The following SYNE2 variants were observed in gnomAD, a reference collection of about 807,000 sequenced individuals.
SYNE2 encodes spectrin repeat containing nuclear envelope protein 2, also known as nesprin-2.
A neutral mutation model predicts 856.3 loss-of-function variants in SYNE2; 431 were observed. The ratio of observed to expected loss-of-function variants is 0.50; its 90% CI spans 0.47 to 0.55. SYNE2 has a LOEUF of 0.55. SYNE2 is among the 20% of genes least tolerant of loss of function. The pLI is 0.00. For missense variants in SYNE2, 8,129 were observed against 8,023.2 expected, an observed-to-expected ratio of 1.01 and a Z score of -0.50; for synonymous variants, 2,923 against 2,872.3, an observed-to-expected ratio of 1.02 and a Z score of -0.56.
chr14:63,975,519 G>A (rs1288976795), intron 11 of SYNE2, among the ~76,000 whole-genome samples: 1 of 152,018 alleles, frequency 6.6e-6, no homozygotes, highest in African/African-American at 2.4e-5. Context: ...TTTTAGTAGA[G>A]ATGGGGTTTT....
At chr14:64,154,721 A>AG (rs1030071228) in intron 85 of SYNE2, among the ~76,000 whole-genome samples, 1 of 145,114 alleles carries the variant, frequency 6.9e-6, no homozygotes, top group African/African-American at 2.5e-5. Context: ...TGAGCCTGGG[A>AG]GGTGGAAGGA....
intron 1 of SYNE2, among the ~76,000 whole-genome samples, chr14:63,814,347 G>A (rs1036579408): frequency 1.3e-5 from 2 of 148,362 alleles, no homozygotes; most frequent in African/African-American, 4.9e-5. Flanking sequence ...GTATTAGTCA[G>A]GGTTCTCTAG....
At chr14:63,762,392 G>A (rs1886516716) in intron 1 of SYNE2, among the ~76,000 whole-genome samples, 1 of 144,092 alleles carries the variant, frequency 6.9e-6, no homozygotes, top group South Asian at 2.1e-4. Context: ...CTGAGACCGT[G>A]CCATTGCACT....
chr14:64,151,672 G>C (rs1421476201), intron 84 of SYNE2, among the ~76,000 whole-genome samples: 2 of 152,118 alleles, frequency 1.3e-5, no homozygotes, highest in African/African-American at 4.8e-5. Flanking sequence ...ACATGCATCT[G>C]GATGGGAATG....
intron 45 of SYNE2, 48 bp downstream of exon 45, chr14:64,031,405 G>C: frequency 6.5e-7 from 1 of 1,548,924 alleles, no homozygotes; most frequent in Non-Finnish European, 8.9e-7. Context: ...TGAGAATGAA[G>C]AGGTATTTGG....
chr14:63,943,208 A>G lies in SYNE2; in HGVS notation c.408+1065A>G, dbSNP rs115456233. Among the ~76,000 whole-genome samples, 761 of 152,300 alleles carry G rather than the reference A, an allele frequency of 5.0e-3. 5 individuals are homozygous for G. The highest frequency in any genetic ancestry group is 0.018 in the African/African-American group (734 of 41,570). ...TATCCCAAGACTGAGTTGTGGATGCATTTCGTTTCACAGATATTTTTGAAC... is the reference window on the plus strand; with the variant it reads ...TATCCCAAGACTGAGTTGTGGATGCGTTTCGTTTCACAGATATTTTTGAAC... On this transcript the variant is annotated intron_variant, in intron 6 of 115. Coordinates refer to ENST00000555002, the MANE Select transcript of SYNE2 (RefSeq NM_182914.3).
intron 2 of SYNE2, among the ~76,000 whole-genome samples, chr14:63,935,096 A>T (rs2095814157): frequency 6.6e-6 from 1 of 152,122 alleles, no homozygotes; most frequent in South Asian, 2.1e-4. Context: ...CAATGAAAAC[A>T]TTGCTCAGAG....
In SYNE2 at chr14:64,021,338, C is replaced by A; in HGVS notation, c.5175C>A (p.Asn1725Lys). ...AGGTCATGGAGTCCTCTATTTTGAACAAGATGGAACATGTACAGAAGTGCT... is the reference window on the plus strand; with the variant it reads ...AGGTCATGGAGTCCTCTATTTTGAAAAAGATGGAACATGTACAGAAGTGCT... ...ELQVMESSILNKMEHVQKCLT... is the reference protein window; with the variant it reads ...ELQVMESSILKKMEHVQKCLT... Residue 1725 changes from asparagine (N) to lysine (K), a missense_variant, in exon 36 of 116, where the codon AAC becomes AAA. Asn to Lys is a moderately conservative substitution (Grantham distance 94). This residue lies in a region of SYNE2 where 2,422 missense variants were observed against 2,357.4 expected (regional missense o/e 1.03). Coordinates refer to ENST00000555002, the MANE Select transcript of SYNE2 (RefSeq NM_182914.3). 1 of 1,613,968 alleles carries A rather than the reference C, an allele frequency of 6.2e-7. No homozygotes were observed. The highest frequency in any genetic ancestry group is 8.5e-7 in the Non-Finnish European group (1 of 1,179,902).
intron 8 of SYNE2, among the ~76,000 whole-genome samples, chr14:63,959,853 T>G (rs964527259): frequency 5.3e-5 from 8 of 152,168 alleles, no homozygotes; most frequent in Non-Finnish European, 1.2e-4. Flanking sequence ...TAGTATAAAA[T>G]ATTTTCTCCA....
intron 112 of SYNE2, 92 bp downstream of exon 112, chr14:64,221,796 G>A (rs2098695510): frequency 2.0e-6 from 3 of 1,473,946 alleles, no homozygotes; most frequent in Non-Finnish European, 2.8e-6. Context: ...AGTATTTCAG[G>A]AACTGTGCCA....
intron 96 of SYNE2, among the ~76,000 whole-genome samples, chr14:64,183,635 T>C (rs577253065): frequency 2.6e-5 from 4 of 152,284 alleles, no homozygotes; most frequent in Admixed American, 2.0e-4. Flanking sequence ...CATTGAGCAC[T>C]GAGTGAACGA....
intron 1 of SYNE2, among the ~76,000 whole-genome samples, chr14:63,778,922 C>A (rs752984893): frequency 0.34 from 19,646 of 57,996 alleles, 1,627 homozygotes; most frequent in South Asian, 0.41. Flanking sequence ...TGGGAGTCTC[C>A]CAAAGTAGCT....
At chr14:64,077,332 T>C (rs1255429702) in intron 54 of SYNE2, among the ~76,000 whole-genome samples, 1 of 152,104 alleles carries the variant, frequency 6.6e-6, no homozygotes, top group Non-Finnish European at 1.5e-5. Context: ...ACTTTTCTTG[T>C]GGTAATTTGT....
Position 64,051,894 on chromosome 14 carries a change from G to A in SYNE2, c.7981G>A (p.Gly2661Arg). Residue 2661 changes from glycine to arginine, a missense_variant, in exon 48 of 116, where the codon GGG (glycine) becomes AGG (arginine). Physicochemically the swap from Gly to Arg is moderately radical, Grantham distance 125 (BLOSUM62 -2). Coordinates refer to ENST00000555002, the MANE Select transcript of SYNE2 (RefSeq NM_182914.3). ...LRLKSPEERA[G>R]NQSMIALTTD... The stretch of plus-strand genomic sequence containing the variant: ...GCTGAAGTCTCCAGAAGAACGGGCA[G>A]GGAACCAAAGCATGATTGCCTTGAC... 1 of 1,613,896 alleles carries A rather than the reference G, an allele frequency of 6.2e-7. No individual in the cohort carries two copies. Among genetic ancestry groups the A allele is most frequent in the Non-Finnish European group, 8.5e-7 (1 of 1,180,028 alleles).
At chr14:63,886,670 T>TTAAAA (rs2094993459) in intron 1 of SYNE2, among the ~76,000 whole-genome samples, 1 of 152,306 alleles carries the variant, frequency 6.6e-6, no homozygotes, top group South Asian at 2.1e-4. Context: ...GACTATTCAT[T>TTAAAA]CTCTTTTGAG....
chr14:63,930,137 G>A (rs2095729626), intron 2 of SYNE2, among the ~76,000 whole-genome samples: 1 of 151,872 alleles, frequency 6.6e-6, no homozygotes, highest in Non-Finnish European at 1.5e-5. Context: ...AATGAAACAA[G>A]TTAGCTGGGC....
At chr14:64,004,392 A>G (rs1209920322) in intron 30 of SYNE2, among the ~76,000 whole-genome samples, 3 of 150,818 alleles carry the variant, frequency 2.0e-5, no homozygotes, top group Admixed American at 6.6e-5. Flanking sequence ...GTGCAGTGGC[A>G]TGATCTCGGC....
intron 2 of SYNE2, among the ~76,000 whole-genome samples, chr14:63,940,158 G>A (rs1175208024): frequency 6.7e-6 from 1 of 150,052 alleles, no homozygotes; most frequent in Non-Finnish European, 1.5e-5. Flanking sequence ...ACTCACTGCA[G>A]CCTTGACTTC....
intron 71 of SYNE2, 54 bp downstream of exon 71, chr14:64,125,264 A>G: frequency 1.2e-6 from 2 of 1,609,896 alleles, no homozygotes; most frequent in East Asian, 2.2e-5. Flanking sequence ...AACAAAGGAG[A>G]TATCATCATT....
Sources: gnomAD v4.1 joint callset for allele counts (sites outside exome capture counted in the v4.1 genomes callset) on GRCh38, gnomAD v4.1.1 for gene constraint, gnomAD v4.1.1 regional missense constraint, MANE v1.5 for transcripts, NCBI Gene and HGNC (gene_info 2026-07-23, HGNC 2026-07-21) for gene names.